HCN1: variants seen among roughly 807,000 people sequenced by gnomAD.
HCN1 encodes potassium/sodium hyperpolarization-activated cyclic nucleotide-gated channel 1.
Under a neutral mutation model 78.9 loss-of-function variants are expected in HCN1, and 13 were observed. That is an observed-to-expected ratio of 0.16 (90% CI 0.11 to 0.26). HCN1 has a LOEUF of 0.26. Ranked by LOEUF, HCN1 falls within the 10% of genes least tolerant of loss-of-function variation. HCN1 has a pLI of 1.00. For synonymous variants in HCN1, 552 were observed against 455.5 expected (o/e 1.21, Z -2.70); for missense variants, 810 against 1,154.3 (o/e 0.70, Z 4.32).
intron 2 of HCN1, among the ~76,000 whole-genome samples, chr5:45,615,280 T>C (rs1040998490): frequency 6.6e-6 from 1 of 152,058 alleles, no homozygotes; most frequent in African/African-American, 2.4e-5. Flanking sequence ...CATGATCTTT[T>C]GGGAATAGAG....
At chr5:45,646,910 A>T (rs1745559550) in intron 1 of HCN1, among the ~76,000 whole-genome samples, 1 of 152,176 alleles carries the variant, frequency 6.6e-6, no homozygotes. Context: ...AACTTCCATG[A>T]TAAAAATGTC....
At chr5:45,276,296 T>C (rs759629601) in intron 6 of HCN1, among the ~76,000 whole-genome samples, 1 of 152,122 alleles carries the variant, frequency 6.6e-6, no homozygotes, top group Non-Finnish European at 1.5e-5. Flanking sequence ...CAAAAATTCA[T>C]TCATTCATTC....
intron 2 of HCN1, among the ~76,000 whole-genome samples, chr5:45,582,890 A>G (rs1436502458): frequency 2.0e-5 from 3 of 152,160 alleles, no homozygotes; most frequent in African/African-American, 4.8e-5. Context: ...ATGGTGGATA[A>G]GCTTTTTGAT....
chr5:45,291,955 T>A lies in HCN1; in HGVS notation c.1618+11644A>T, dbSNP rs1745387114. ...ACATTTGTTTATTGTTTATTTTATG[T>A]CCTTTCAATAGTGCATAATATCCAT... is the stretch of plus-strand genomic sequence containing the variant. On this transcript the variant is annotated intron_variant, in intron 6 of 7. Transcript: ENST00000303230. 4.6e-5 allele frequency among the ~76,000 whole-genome samples: 7 copies of A among 152,216 alleles called. No homozygotes were observed. The South Asian group carries it at 1.4e-3, about 31-fold the overall frequency.
At chr5:45,366,988 G>T (rs185460990) in intron 4 of HCN1, among the ~76,000 whole-genome samples, 1 of 151,726 alleles carries the variant, frequency 6.6e-6, no homozygotes, top group African/African-American at 2.4e-5. Context: ...TCCAAGTATT[G>T]ATTGGTTATC....
chr5:45,393,458 A>C (rs1393753554), intron 4 of HCN1, among the ~76,000 whole-genome samples: 1 of 152,184 alleles, frequency 6.6e-6, no homozygotes, highest in African/African-American at 2.4e-5. Context: ...AAGTGCAATT[A>C]TATCTAGAAA....
At chr5:45,609,012 A>C (rs1373420765) in intron 2 of HCN1, among the ~76,000 whole-genome samples, 2 of 152,112 alleles carry the variant, frequency 1.3e-5, no homozygotes, top group South Asian at 4.1e-4. Context: ...GGAAATGCAA[A>C]TTCAAACCAA....
At chr5:45,594,398 C>T (rs542717843) in intron 2 of HCN1, among the ~76,000 whole-genome samples, 1 of 152,234 alleles carries the variant, frequency 6.6e-6, no homozygotes, top group African/African-American at 2.4e-5. Flanking sequence ...GAGGCTTTCC[C>T]AACCTCTCTA....
At chr5:45,403,844 G>C (rs1015715151) in intron 3 of HCN1, among the ~76,000 whole-genome samples, 1 of 152,148 alleles carries the variant, frequency 6.6e-6, no homozygotes, top group African/African-American at 2.4e-5. Context: ...GTTTAATCAT[G>C]AGTACTATTC....
rs76550486 is a variant in HCN1 at position 45,479,793 on chromosome 5, G to A, written c.850-17786C>T. 2.7e-3 allele frequency among the ~76,000 whole-genome samples: 410 copies of A among 152,198 alleles called. 5 individuals carry two copies. Among genetic ancestry groups the A allele is most frequent in the East Asian group, 0.019 (96 of 5,174 alleles). The stretch of plus-strand genomic sequence containing the variant: ...ATATCCTGTAGGCAGTTACATACAC[G>A]TATATCATGTCCAAAATTATAGAAT... On this transcript the variant is annotated intron_variant, in intron 2 of 7. Coordinates refer to ENST00000303230, the MANE Select transcript of HCN1 (RefSeq NM_021072.4).
At chr5:45,528,236 A>G (rs574401748) in intron 2 of HCN1, among the ~76,000 whole-genome samples, 109 of 152,042 alleles carry the variant, frequency 7.2e-4, no homozygotes, top group African/African-American at 2.6e-3. Context: ...CCTAAATCCT[A>G]CTATTACTGA....
intron 2 of HCN1, among the ~76,000 whole-genome samples, chr5:45,572,785 G>T (rs897094834): frequency 6.6e-6 from 1 of 152,122 alleles, no homozygotes; most frequent in African/African-American, 2.4e-5. Flanking sequence ...ATACAGCACT[G>T]AACACAAGCC....
intron 2 of HCN1, among the ~76,000 whole-genome samples, chr5:45,463,673 A>G (rs1255722967): frequency 6.6e-6 from 1 of 152,042 alleles, no homozygotes; most frequent in East Asian, 1.9e-4. Flanking sequence ...AATTTCATCA[A>G]TAATTTCTCA....
chr5:45,395,943 T>C (rs993288247), intron 4 of HCN1, among the ~76,000 whole-genome samples: 11 of 152,154 alleles, frequency 7.2e-5, no homozygotes, highest in Non-Finnish European at 8.8e-5. Flanking sequence ...AATTAGCACA[T>C]TGAGCATAAG....
intron 1 of HCN1, among the ~76,000 whole-genome samples, chr5:45,691,984 G>A: frequency 6.6e-6 from 1 of 152,116 alleles, no homozygotes; most frequent in East Asian, 1.9e-4. Flanking sequence ...AAAAAAATAA[G>A]AAGTCAAGAT....
chr5:45,343,790 C>A (rs1746638072), intron 5 of HCN1, among the ~76,000 whole-genome samples: 1 of 150,882 alleles, frequency 6.6e-6, no homozygotes, highest in South Asian at 2.1e-4. Flanking sequence ...ATAATAAATT[C>A]AAAGATACAG....
chr5:45,547,236 T>C (rs917135704), intron 2 of HCN1, among the ~76,000 whole-genome samples: 1 of 151,816 alleles, frequency 6.6e-6, no homozygotes, highest in African/African-American at 2.4e-5. Flanking sequence ...ATGAAAGAAG[T>C]AAAGAAAAGG....
intron 6 of HCN1, among the ~76,000 whole-genome samples, chr5:45,287,383 T>C (rs765917259): frequency 6.6e-6 from 1 of 152,000 alleles, no homozygotes; most frequent in Non-Finnish European, 1.5e-5. Context: ...ATTTAGTGTA[T>C]GATAAATATA....
rs572051964 is a variant in HCN1, at chr5:45,534,981, A to G, written c.850-72974T>C. Among the ~76,000 whole-genome samples the G allele has an allele frequency of 3.9e-5, 6 of 152,374 alleles. 1 individual carries two copies. The highest frequency in any genetic ancestry group is 1.4e-4 in the African/African-American group (6 of 41,586). The stretch of plus-strand genomic sequence containing the variant: ...TGCCCGACTTGAAAGCTATTGAAAC[A>G]GTAAGACTTGGCAATTCTATCCACC... On this transcript the variant is annotated intron_variant, in intron 2 of 7. Transcript: ENST00000303230.
Sources: allele counts gnomAD v4.1 joint callset (sites outside exome capture counted in the v4.1 genomes callset), GRCh38; gene constraint gnomAD v4.1.1; transcripts MANE v1.5; gene names NCBI Gene and HGNC (gene_info 2026-07-23, HGNC 2026-07-21).